DNAH10: variants seen among roughly 807,000 people sequenced by gnomAD.
DNAH10 encodes the protein dynein axonemal heavy chain 10.
A neutral mutation model predicts 506.6 loss-of-function variants in DNAH10; 348 were observed. That is an observed-to-expected ratio of 0.69 (90% confidence interval 0.63 to 0.75). The LOEUF (loss-of-function observed/expected upper bound fraction) is 0.75, where lower values mean the gene tolerates loss of function less well. Ranked by LOEUF, DNAH10 falls within the 30% of genes least tolerant of loss-of-function variation. The pLI, the probability that DNAH10 is intolerant of heterozygous loss-of-function variation, is 0.00. For synonymous variants in DNAH10, 2,059 were observed against 2,198.6 expected (o/e 0.94, Z 1.78); for missense variants, 5,179 against 5,787.1 (o/e 0.89, Z 3.41).
chr12:123,851,364 C>CTCCGTGTGGCTCT (rs1951167864), intron 35 of DNAH10, among the ~76,000 whole-genome samples: 5 of 150,472 alleles, frequency 3.3e-5, no homozygotes, highest in African/African-American at 9.9e-5. Context: ...GATGTGTCAG[C>CTCCGTGTGGCTCT]TCCATGTGGC....
Position 123,931,587 on chromosome 12 carries a change from G to A in DNAH10, c.12917-49G>A. On this transcript the variant is annotated intron_variant, in intron 74 of 78. Coordinates refer to ENST00000673944, the MANE Select transcript of DNAH10 (RefSeq NM_001372106.1). Reference sequence around the variant, plus strand: ...GAACTGGAAGGCTCAGGAGGCTCCGGTTCTGCACGTGGATGCCTTGCTTTC... The same window carrying A: ...GAACTGGAAGGCTCAGGAGGCTCCGATTCTGCACGTGGATGCCTTGCTTTC... 3.7e-6 allele frequency: 6 copies of A among 1,609,288 alleles called. No individual in the cohort carries two copies. In the South Asian group the frequency reaches 6.6e-5, roughly 18 times the overall value.
chr12:123,818,849 G>A, intron 21 of DNAH10, 101 bp from the exon 22 acceptor site: 1 of 767,484 alleles, frequency 1.3e-6, no homozygotes. Context: ...GCCTCCTGTT[G>A]CCACAAGCAG....
intron 19 of DNAH10, among the ~76,000 whole-genome samples, chr12:123,811,192 G>A (rs952592538): frequency 7.9e-5 from 12 of 152,156 alleles, no homozygotes; most frequent in Non-Finnish European, 1.5e-5. Flanking sequence ...TCTACTAAGT[G>A]GAAATGATAA....
rs1957635569 is a variant in DNAH10, at chr12:123,781,209, T to C, written c.751T>C (p.Tyr251His). Residue 251 changes from tyrosine (Y) to histidine (H), a missense_variant, in exon 6 of 79, where the codon TAT becomes CAT. By Grantham distance (83) the Tyr-to-His change is moderately conservative. Coordinates refer to ENST00000673944, the MANE Select transcript of DNAH10 (RefSeq NM_001372106.1). Reference protein sequence around the residue: ...LPPMPGEAVEYHSIQLIRDEF... With the variant: ...LPPMPGEAVEHHSIQLIRDEF... ...GCCCATGCCTGGGGAGGCAGTAGAA[T>C]ATCACAGTATTCAATTAATACGGGA... is the stretch of plus-strand genomic sequence containing the variant. The C allele has an allele frequency of 6.2e-7, 1 of 1,614,144 alleles. No homozygotes were observed. The highest frequency in any genetic ancestry group is 1.3e-5 in the African/African-American group (1 of 75,044).
chr12:123,780,269 A>G (rs1957596979), intron 5 of DNAH10, among the ~76,000 whole-genome samples: 1 of 151,682 alleles, frequency 6.6e-6, no homozygotes, highest in African/African-American at 2.4e-5. Flanking sequence ...TGGTTCAAGC[A>G]ATTCTCATGC....
chr12:123,821,915 C>CA (rs903372872), intron 24 of DNAH10, among the ~76,000 whole-genome samples: 2 of 151,224 alleles, frequency 1.3e-5, no homozygotes, highest in African/African-American at 2.4e-5. Flanking sequence ...CTAAAAAATA[C>CA]AAAAAAAAGT....
Position 123,813,562 on chromosome 12 carries a change from G to A in DNAH10, c.3543G>A (p.Lys1181=), listed in dbSNP as rs1420040143. 1 of 1,614,210 alleles carries A rather than the reference G, an allele frequency of 6.2e-7. No individual in the cohort carries two copies. Among genetic ancestry groups the A allele is most frequent in the East Asian group, 2.2e-5 (1 of 44,890 alleles). Residue 1181 remains lysine, a synonymous_variant, in exon 20 of 79, where the codon AAG becomes AAA. Transcript: ENST00000673944. ...CAAACACAGTGCAGGAAAATGCCAAGTCCTGGGTGATTTCGCTTGGAAAAC... is the reference window on the plus strand; with the variant it reads ...CAAACACAGTGCAGGAAAATGCCAAATCCTGGGTGATTTCGCTTGGAAAAC... ...HLANTVQENA[K]SWVISLGKLL... is the part of the protein sequence containing the mutation.
chr12:123,778,750 T>C (rs1484361971), intron 5 of DNAH10, among the ~76,000 whole-genome samples: 1 of 152,176 alleles, frequency 6.6e-6, no homozygotes, highest in Non-Finnish European at 1.5e-5. Flanking sequence ...AAAACATTTT[T>C]TTAAGAGACA....
chr12:123,781,326 G>A (rs765212845), intron 6 of DNAH10, 27 bp downstream of exon 6: 4 of 1,587,102 alleles, frequency 2.5e-6, no homozygotes, highest in Non-Finnish European at 2.6e-6. Context: ...CTCCTTTTTA[G>A]TTAAGAATGA....
At chr12:123,912,807 C>G (rs1297263168) in intron 59 of DNAH10, among the ~76,000 whole-genome samples, 2 of 152,190 alleles carry the variant, frequency 1.3e-5, no homozygotes. Flanking sequence ...ATGGTATATT[C>G]TTCTGAGTTT....
chr12:123,772,798 C>T (rs760684311), intron 3 of DNAH10, 36 bp from the exon 4 acceptor site: 1 of 1,494,172 alleles, frequency 6.7e-7, no homozygotes, highest in Non-Finnish European at 9.2e-7. Context: ...ATGGATGTAT[C>T]ACAAGAATGA....
intron 46 of DNAH10, among the ~76,000 whole-genome samples, chr12:123,874,401 G>A (rs759216835): frequency 4.6e-5 from 7 of 150,824 alleles, no homozygotes; most frequent in Non-Finnish European, 1.0e-4. Context: ...CTACCTATCT[G>A]TTCACCCATC....
intron 52 of DNAH10, among the ~76,000 whole-genome samples, chr12:123,891,957 T>G (rs191134290): frequency 2.3e-4 from 35 of 152,250 alleles, no homozygotes; most frequent in Non-Finnish European, 4.6e-4. Context: ...TGGCAACTCG[T>G]GTGAAGTACT....
chr12:123,811,540 G>A (rs749420211), intron 19 of DNAH10, among the ~76,000 whole-genome samples: 5 of 149,242 alleles, frequency 3.4e-5, no homozygotes, highest in South Asian at 2.1e-4. Context: ...TTGCTGTTTC[G>A]CCTAGGCTGG....
At chr12:123,863,844 A>G (rs753268533) in intron 39 of DNAH10, among the ~76,000 whole-genome samples, 23 of 152,332 alleles carry the variant, frequency 1.5e-4, no homozygotes, top group African/African-American at 5.5e-4. Flanking sequence ...CATCCAAAAT[A>G]CTTTCTTTAT....
At chr12:123,790,814 G>T (rs532109711) in intron 11 of DNAH10, among the ~76,000 whole-genome samples, 2 of 152,148 alleles carry the variant, frequency 1.3e-5, no homozygotes, top group Admixed American at 6.5e-5. Context: ...GAAGGTGGTT[G>T]ACCAAGGAAT....
intron 4 of DNAH10, among the ~76,000 whole-genome samples, chr12:123,773,680 G>A (rs1310280076): frequency 6.6e-6 from 1 of 152,164 alleles, no homozygotes; most frequent in Non-Finnish European, 1.5e-5. Context: ...AAGCTCTCCT[G>A]TCTCTTCCTA....
intron 11 of DNAH10, among the ~76,000 whole-genome samples, chr12:123,792,187 T>G (rs1958103116): frequency 6.6e-6 from 1 of 152,228 alleles, no homozygotes; most frequent in Non-Finnish European, 1.5e-5. Flanking sequence ...ATTGCTGAGC[T>G]GGGAAGACCA....
At chr12:123,875,615 G>T (rs1280452475) in intron 47 of DNAH10, 124 bp downstream of exon 47, 68 of 1,182,634 alleles carry the variant, frequency 5.7e-5, no homozygotes, top group Non-Finnish European at 8.1e-5. Flanking sequence ...AAGGGCCTAT[G>T]AAAATGTTTT....
Sources: allele counts gnomAD v4.1 joint callset (sites outside exome capture counted in the v4.1 genomes callset), GRCh38; gene constraint gnomAD v4.1.1; transcripts MANE v1.5; gene names NCBI Gene and HGNC (gene_info 2026-07-23, HGNC 2026-07-21).